MYOM2: variants seen among roughly 807,000 people sequenced by gnomAD.
The protein encoded by MYOM2 is myomesin 2.
A neutral mutation model predicts 187.6 loss-of-function variants in MYOM2; 254 were observed. The observed-to-expected ratio is 1.35, with a 90% CI of 1.22 to 1.50. MYOM2 has a LOEUF of 1.50. Among genes scored for constraint, MYOM2 ranks in the 40% most tolerant of loss-of-function variants. The pLI, the probability that MYOM2 is intolerant of heterozygous loss-of-function variation, is 0.00. For missense variants in MYOM2, 2,796 were observed against 1,924.0 expected (o/e 1.45, Z -8.48); for synonymous variants, 981 against 753.8 (o/e 1.30, Z -4.94).
At chr8:2,058,064 G>C (rs1315361092) in intron 5 of MYOM2, among the ~76,000 whole-genome samples, 1 of 130,108 alleles carries the variant, frequency 7.7e-6, no homozygotes, top group Non-Finnish European at 1.5e-5. Flanking sequence ...TGTTGCCCAG[G>C]CTGGAGTGTG....
intron 35 of MYOM2, among the ~76,000 whole-genome samples, chr8:2,143,128 TC>T (rs947222286): frequency 2.6e-5 from 4 of 152,146 alleles, no homozygotes; most frequent in Admixed American, 1.3e-4. Context: ...GGTGAATTCT[TC>T]ACCCTTCAAG....
chr8:2,081,883 C>G (rs1419431933), intron 13 of MYOM2: 1 of 152,274 alleles, frequency 6.6e-6, no homozygotes, highest in Non-Finnish European at 1.5e-5. Flanking sequence ...GACACAGATG[C>G]TCTTTTCCAT....
chr8:2,090,228 G>A, intron 15 of MYOM2, 37 bp downstream of exon 15: 6 of 1,591,004 alleles, frequency 3.8e-6, no homozygotes, highest in Non-Finnish European at 5.2e-6. Flanking sequence ...AGTCAGGATG[G>A]ACTAAGAGTG....
intron 18 of MYOM2, among the ~76,000 whole-genome samples, chr8:2,098,521 G>A (rs1796572762): frequency 6.6e-6 from 1 of 152,160 alleles, no homozygotes; most frequent in Admixed American, 6.5e-5. Flanking sequence ...CCGCCCTTGA[G>A]TTGGCCCTGG....
chr8:2,144,706 G>A lies in MYOM2; in HGVS notation c.4123G>A (p.Glu1375Lys), dbSNP rs765995800. The change falls in exon 37 of 37, where the codon GAA becomes AAA. Residue 1375 changes from glutamate to lysine, a missense_variant. Coordinates refer to ENST00000262113, the MANE Select transcript of MYOM2 (RefSeq NM_003970.4). ...CACGGTGTTTGGAAACCCTGACCCC[G>A]AAGTGATTTGGTTCAAGAACGACCA... ...TCTVFGNPDP[E>K]VIWFKNDQDI... 8 of 1,613,730 alleles carry A rather than the reference G, an allele frequency of 5.0e-6. No homozygotes were observed. The highest frequency in any genetic ancestry group is 2.2e-5 in the East Asian group (1 of 44,858).
chr8:2,101,009 G>C lies in MYOM2; in HGVS notation c.2574G>C (p.Glu858Asp), dbSNP rs1391797541. The change falls in exon 20 of 37, where the codon GAG becomes GAC. Residue 858 changes from glutamate to aspartate, a missense_variant. By Grantham distance (45) the Glu-to-Asp change is conservative. Coordinates refer to ENST00000262113, the MANE Select transcript of MYOM2 (RefSeq NM_003970.4). ...ACTTCAGGGAGGAGGATGCTGGAGA[G>C]TGGATCACTGTCAATCAGACGACAA... ...FVDFREEDAG[E>D]WITVNQTTTA... 1 of 1,614,146 alleles carries C rather than the reference G, an allele frequency of 6.2e-7. No individual in the cohort carries two copies. The highest frequency in any genetic ancestry group is 2.2e-5 in the East Asian group (1 of 44,868).
chr8:2,069,406 C>T (rs1168263644), intron 7 of MYOM2, 40 bp downstream of exon 7: 1 of 1,613,858 alleles, frequency 6.2e-7, no homozygotes, highest in East Asian at 2.2e-5. Flanking sequence ...CCTCCCGCCT[C>T]CTTTTCTCTT....
chr8:2,117,901 G>A lies in MYOM2; in HGVS notation c.3402G>A (p.Glu1134=). ...CCTCCCTAGGCCCTCATTTTGCTGA[G>A]TACTTGCACTGGGATGTCACGGAAG... The part of the protein sequence containing the change: ...FLRKQGPHFA[E]YLHWDVTEEC... Residue 1134 remains glutamate, a synonymous_variant, in exon 28 of 37, where the codon GAG becomes GAA. Transcript: ENST00000262113. The A allele has an allele frequency of 2.5e-6, 4 of 1,612,704 alleles. No homozygotes were observed. Among genetic ancestry groups the A allele is most frequent in the Non-Finnish European group, 3.4e-6 (4 of 1,179,452 alleles).
At chr8:2,138,114 G>T (rs1037410488) in intron 32 of MYOM2, among the ~76,000 whole-genome samples, 1 of 152,220 alleles carries the variant, frequency 6.6e-6, no homozygotes, top group Non-Finnish European at 1.5e-5. Context: ...ATAGCGACCT[G>T]CTGTGAGCTC....
chr8:2,083,615 G>C (rs1023173585), intron 13 of MYOM2, among the ~76,000 whole-genome samples: 1 of 152,148 alleles, frequency 6.6e-6, no homozygotes, highest in Non-Finnish European at 1.5e-5. Context: ...TGTGCTTAAC[G>C]TTCATTTGTT....
At chr8:2,116,373 C>T in intron 27 of MYOM2, 98 bp downstream of exon 27, 2 of 1,175,046 alleles carry the variant, frequency 1.7e-6, no homozygotes. Context: ...TCCCAAGCAA[C>T]CCTAAAGGCT....
chr8:2,052,112 A>C (rs759578271), intron 2 of MYOM2, 46 bp from the exon 3 acceptor site: 6 of 1,606,746 alleles, frequency 3.7e-6, no homozygotes, highest in Non-Finnish European at 5.1e-6. Context: ...AAATTTCCAT[A>C]CTGTGCCTGA....
At position 2,120,673 on chromosome 8, in the gene MYOM2, TATTATATTATATATAA is replaced by T. The variant is rs1489659790; in HGVS notation, c.3454-2576_3454-2561del. 2.1e-3 allele frequency among the ~76,000 whole-genome samples: 43 copies of T among 20,094 alleles called. 4 individuals are homozygous for T. Among genetic ancestry groups the T allele is most frequent in the Admixed American group, 8.0e-3 (9 of 1,122 alleles). The allele number at this position is 20,094 out of a possible 152,430, so 13.2% of individuals were successfully genotyped here. ...TTGATTTCCTGTATATATATATATA[TATTATATTATATATAA>T]ATATATAATATATATATTTTAATTG... On this transcript the variant is annotated intron_variant, in intron 28 of 36. Coordinates refer to ENST00000262113, the MANE Select transcript of MYOM2 (RefSeq NM_003970.4).
At chr8:2,097,549 C>G (rs1382559258) in intron 18 of MYOM2, among the ~76,000 whole-genome samples, 1 of 152,194 alleles carries the variant, frequency 6.6e-6, no homozygotes, top group African/African-American at 2.4e-5. Context: ...GAGTCTCACT[C>G]TGTGACCCAG....
At chr8:2,115,829 A>C (rs1797221639) in intron 25 of MYOM2, 131 bp from the exon 26 acceptor site, 1 of 1,023,580 alleles carries the variant, frequency 9.8e-7, no homozygotes, top group Non-Finnish European at 1.4e-6. Flanking sequence ...TTCCTTGATA[A>C]AATTTCATTT....
At chr8:2,106,657 C>T (rs1796904694) in intron 23 of MYOM2, 60 bp downstream of exon 23, 3 of 1,229,202 alleles carry the variant, frequency 2.4e-6, no homozygotes, top group South Asian at 2.7e-5. Context: ...CAAAGATTGA[C>T]ACCAACATAG....
rs368551401 is a variant in MYOM2, at chr8:2,085,271, C to G, written c.1525C>G (p.Gln509Glu). Residue 509 changes from glutamine (Q) to glutamate (E), a missense_variant, in exon 14 of 37, where the codon CAG becomes GAG. By Grantham distance (29) the Gln-to-Glu change is conservative (BLOSUM62 2). Coordinates refer to ENST00000262113, the MANE Select transcript of MYOM2 (RefSeq NM_003970.4). ...ATTTATTATTCCTCCAGGTGACGCC[C>G]AGGTTCCAGGGCCTCCCACCGGTGT... ...IYQDDLEGDA[Q>E]VPGPPTGVHA... is the part of the protein sequence containing the mutation. 5.6e-6 allele frequency: 9 copies of G among 1,614,004 alleles called. No homozygotes were observed. Among genetic ancestry groups the G allele is most frequent in the South Asian group, 1.1e-5 (1 of 91,068 alleles).
chr8:2,125,244 C>T (rs1002149862), intron 31 of MYOM2, among the ~76,000 whole-genome samples: 17 of 152,214 alleles, frequency 1.1e-4, no homozygotes, highest in African/African-American at 4.1e-4. Flanking sequence ...AGTCTTTTAT[C>T]CAATTTGAGT....
rs767888294 is a variant in MYOM2 at position 2,076,205 on chromosome 8, C to G, written c.1185C>G (p.Asn395Lys). 1.2e-6 allele frequency: 2 copies of G among 1,613,614 alleles called. No homozygotes were observed. The highest frequency in any genetic ancestry group is 2.2e-5 in the South Asian group (2 of 90,908). Residue 395 changes from asparagine to lysine, a missense_variant, in exon 11 of 37, where the codon AAC (asparagine) becomes AAG (lysine). Asn to Lys is a moderately conservative substitution (Grantham distance 94, BLOSUM62 0). Transcript: ENST00000262113. Reference protein sequence around the residue: ...APMDLQCHDANRDYVIVTWKP... With the variant: ...APMDLQCHDAKRDYVIVTWKP... ...TGGACTTGCAGTGCCACGACGCCAACCGGGACTACGTCATCGTGACCTGGA... is the reference window on the plus strand; with the variant it reads ...TGGACTTGCAGTGCCACGACGCCAAGCGGGACTACGTCATCGTGACCTGGA...
Sources: allele counts gnomAD v4.1 joint callset (sites outside exome capture counted in the v4.1 genomes callset), GRCh38; gene constraint gnomAD v4.1.1; transcripts MANE v1.5; gene names NCBI Gene and HGNC (gene_info 2026-07-23, HGNC 2026-07-21).